TMEM117: variants seen among roughly 807,000 people sequenced by gnomAD.
TMEM117 encodes transmembrane protein 117.
TMEM117 carries 27 observed loss-of-function variants against 52.4 expected under a neutral mutation model. That is an observed-to-expected ratio of 0.51 (90% CI 0.38 to 0.71). The LOEUF is 0.71. TMEM117 is among the 30% of genes least tolerant of loss of function. The probability of loss-of-function intolerance (pLI) is 0.00; values close to 1 mark genes in which losing one functional copy is unlikely to be tolerated. For synonymous variants in TMEM117, 215 were observed against 206.3 expected (o/e 1.04, Z -0.36); for missense variants, 556 against 630.5 (o/e 0.88, Z 1.26).
intron 2 of TMEM117, among the ~76,000 whole-genome samples, chr12:43,847,309 GA>G (rs1943226919): frequency 6.6e-6 from 1 of 152,200 alleles, no homozygotes; most frequent in African/African-American, 2.4e-5. Flanking sequence ...GCATGGGTGA[GA>G]TAAAGATTGG....
chr12:43,797,151 T>C, the TMEM117 span: 1 of 1,513,788 alleles, frequency 6.6e-7, no homozygotes, highest in Non-Finnish European at 9.0e-7. Context: ...ATAAACTTCA[T>C]AAAACTACAT....
intron 2 of TMEM117, among the ~76,000 whole-genome samples, chr12:43,916,467 C>T (rs1944604953): frequency 6.6e-6 from 1 of 151,974 alleles, no homozygotes; most frequent in Non-Finnish European, 1.5e-5. Flanking sequence ...TGATTCTACC[C>T]CATCTAGATT....
chr12:43,813,231 G>GTTGTTTTTTTGTTTTTTTTT, the TMEM117 span, among the ~76,000 whole-genome samples: 13 of 62,662 alleles, frequency 2.1e-4, no homozygotes, highest in African/African-American at 7.6e-4. Flanking sequence ...GTTTTCTCTT[G>GTTGTTTTTTTGTTTTTTTTT]TTTTTTTTTT....
chr12:44,040,463 A>G (rs568966453), intron 3 of TMEM117, among the ~76,000 whole-genome samples: 1 of 152,256 alleles, frequency 6.6e-6, no homozygotes, highest in Admixed American at 6.5e-5. Flanking sequence ...ATTTATAGGA[A>G]TGCAGCTAAC....
At chr12:44,383,624 G>C (rs1357597355) in intron 7 of TMEM117, among the ~76,000 whole-genome samples, 3 of 152,132 alleles carry the variant, frequency 2.0e-5, no homozygotes, top group Admixed American at 6.6e-5. Context: ...CATTGTGCTA[G>C]GTAGTTGAAA....
In TMEM117 at chr12:43,938,370, G is replaced by A. The variant is rs375334147; in HGVS notation, c.278-5840G>A. On this transcript the variant is annotated intron_variant, in intron 2 of 7. Coordinates refer to ENST00000266534, the MANE Select transcript of TMEM117 (RefSeq NM_032256.3). ...ATTGCTTCAGGACCCAAATGAGCCCGAATAGAATGAATCTCATAATTTTCT... is the reference window on the plus strand; with the variant it reads ...ATTGCTTCAGGACCCAAATGAGCCCAAATAGAATGAATCTCATAATTTTCT... 2.7e-3 allele frequency among the ~76,000 whole-genome samples: 416 copies of A among 151,566 alleles called. 3 individuals carry two copies. The highest frequency in any genetic ancestry group is 4.1e-3 in the African/African-American group (170 of 41,332).
chr12:43,846,737 G>T (rs1943215919), intron 2 of TMEM117, among the ~76,000 whole-genome samples: 1 of 152,142 alleles, frequency 6.6e-6, no homozygotes, highest in East Asian at 1.9e-4. Context: ...ATAGAGCTTT[G>T]GACTTAGCAG....
At chr12:44,143,951 A>G (rs1392397862) in intron 4 of TMEM117, among the ~76,000 whole-genome samples, 2 of 152,188 alleles carry the variant, frequency 1.3e-5, no homozygotes, top group African/African-American at 4.8e-5. Flanking sequence ...TCTCCCTGTG[A>G]AGTTACAAAT....
At chr12:44,042,846 A>G (rs1350777849) in intron 3 of TMEM117, among the ~76,000 whole-genome samples, 1 of 151,622 alleles carries the variant, frequency 6.6e-6, no homozygotes, top group Non-Finnish European at 1.5e-5. Flanking sequence ...CCTGAGTAAT[A>G]TTGATTTTGG....
chr12:43,941,343 G>A (rs1945041183), intron 2 of TMEM117, among the ~76,000 whole-genome samples: 1 of 151,596 alleles, frequency 6.6e-6, no homozygotes, highest in South Asian at 2.1e-4. Flanking sequence ...AGACCTGTAG[G>A]AAAAGTGGCA....
chr12:43,885,622 T>A (rs1159492580), intron 2 of TMEM117, among the ~76,000 whole-genome samples: 1 of 152,076 alleles, frequency 6.6e-6, no homozygotes, highest in Admixed American at 6.6e-5. Flanking sequence ...ATACTTTATT[T>A]TTTTTTTAAT....
At chr12:44,368,966 CATT>C (rs748983559) in intron 6 of TMEM117, among the ~76,000 whole-genome samples, 8 of 151,988 alleles carry the variant, frequency 5.3e-5, no homozygotes, top group African/African-American at 1.2e-4. Flanking sequence ...GATGACTTAT[CATT>C]GAGTGTGTTT....
intron 3 of TMEM117, among the ~76,000 whole-genome samples, chr12:44,117,920 T>C (rs976787763): frequency 3.3e-5 from 5 of 152,162 alleles, no homozygotes; most frequent in Admixed American, 6.6e-5. Flanking sequence ...ATCAATTGTT[T>C]TGTTTGTAAA....
At chr12:44,098,556 T>C (rs1947811910) in intron 3 of TMEM117, among the ~76,000 whole-genome samples, 1 of 152,066 alleles carries the variant, frequency 6.6e-6, no homozygotes, top group African/African-American at 2.4e-5. Flanking sequence ...ACATTTCTCT[T>C]TTAAAATATG....
At chr12:43,954,836 A>G (rs751367000) in intron 3 of TMEM117, among the ~76,000 whole-genome samples, 2 of 152,222 alleles carry the variant, frequency 1.3e-5, no homozygotes, top group South Asian at 2.1e-4. Context: ...CAAAAAAAGA[A>G]AACTTCAGGC....
chr12:43,797,118 A>G, the TMEM117 span: 13 of 1,568,096 alleles, frequency 8.3e-6, no homozygotes, highest in Non-Finnish European at 1.1e-5. Context: ...AAATAATAAC[A>G]AATATAATTA....
At chr12:43,913,775 A>C (rs1192265287) in intron 2 of TMEM117, among the ~76,000 whole-genome samples, 1 of 152,150 alleles carries the variant, frequency 6.6e-6, no homozygotes, top group African/African-American at 2.4e-5. Context: ...AATAAAGGAG[A>C]ATTTTGGCAT....
At chr12:43,899,037 A>G (rs1313916733) in intron 2 of TMEM117, among the ~76,000 whole-genome samples, 1 of 152,238 alleles carries the variant, frequency 6.6e-6, no homozygotes, top group Non-Finnish European at 1.5e-5. Context: ...AGGCAAGATC[A>G]GAAAGATCTT....
chr12:43,799,226 C>G, the TMEM117 span, among the ~76,000 whole-genome samples: 1 of 151,640 alleles, frequency 6.6e-6, no homozygotes, highest in South Asian at 2.1e-4. Flanking sequence ...TTCATTTTAA[C>G]TTTTTTTTTC....
Sources: gnomAD v4.1 joint callset for allele counts (sites outside exome capture counted in the v4.1 genomes callset) on GRCh38, gnomAD v4.1.1 for gene constraint, MANE v1.5 for transcripts, NCBI Gene and HGNC (gene_info 2026-07-23, HGNC 2026-07-21) for gene names.